SMC5: variants seen among roughly 807,000 people sequenced by gnomAD.
SMC5 encodes the protein structural maintenance of chromosomes 5.
Under a neutral mutation model 148.3 loss-of-function variants are expected in SMC5, and 88 were observed. The ratio of observed to expected loss-of-function variants is 0.59; its 90% confidence interval spans 0.50 to 0.71. The LOEUF is 0.71. SMC5 is among the 30% of genes least tolerant of loss of function. The pLI is 0.00. For missense variants in SMC5, 1,142 were observed against 1,298.9 expected (o/e 0.88, Z 1.86); for synonymous variants, 421 against 432.8 (o/e 0.97, Z 0.34).
chr9:70,347,179 T>C lies in SMC5; in HGVS notation c.2664+18T>C, dbSNP rs151005009. 8.6e-4 allele frequency: 1,386 copies of C among 1,606,500 alleles called. 18 individuals are homozygous for C. In the East Asian group the frequency reaches 0.027, roughly 32 times the overall value. Reference sequence around the variant, plus strand: ...ATCCTACAGTATGCCTGTTTCTCTATTCCCATTCTGCATCCAACCACCACC... The same window carrying C: ...ATCCTACAGTATGCCTGTTTCTCTACTCCCATTCTGCATCCAACCACCACC... On this transcript the variant is annotated intron_variant, in intron 20 of 24. Transcript: ENST00000361138.
At chr9:70,268,634 ATACT>A (rs901841588) in intron 3 of SMC5, among the ~76,000 whole-genome samples, 2 of 151,868 alleles carry the variant, frequency 1.3e-5, no homozygotes, top group Non-Finnish European at 2.9e-5. Context: ...CTTGAAAGTA[ATACT>A]TGCTTGTCTT....
chr9:70,281,492 T>C (rs562377511), intron 6 of SMC5, among the ~76,000 whole-genome samples: 19 of 152,312 alleles, frequency 1.2e-4, no homozygotes, highest in African/African-American at 4.6e-4. Context: ...GAAAATTAAA[T>C]CTTTGGGTGT....
At chr9:70,345,922 A>G (rs2036655840) in intron 18 of SMC5, among the ~76,000 whole-genome samples, 4 of 152,148 alleles carry the variant, frequency 2.6e-5, no homozygotes, top group Admixed American at 2.6e-4. Context: ...CTGAAGAGAG[A>G]GAGGGAGAAG....
chr9:70,292,023 C>G (rs995361301), intron 8 of SMC5, among the ~76,000 whole-genome samples: 1 of 152,132 alleles, frequency 6.6e-6, no homozygotes, highest in South Asian at 2.1e-4. Context: ...GCTGTTTTTA[C>G]TGAGATTCAG....
chr9:70,320,384 C>CCTCA (rs1327882226), intron 15 of SMC5, among the ~76,000 whole-genome samples: 4 of 152,096 alleles, frequency 2.6e-5, no homozygotes, highest in Non-Finnish European at 5.9e-5. Context: ...CATGGCAAGA[C>CCTCA]CTCATCTCTT....
intron 8 of SMC5, among the ~76,000 whole-genome samples, chr9:70,295,704 C>T (rs1016302072): frequency 5.3e-5 from 8 of 152,060 alleles, no homozygotes; most frequent in African/African-American, 1.7e-4. Context: ...GGTAAGGGAT[C>T]GTTGGGCTGC....
Position 70,259,226 on chromosome 9 carries a change from G to A in SMC5, c.148G>A (p.Glu50Lys). The A allele has an allele frequency of 6.2e-7, 1 of 1,603,018 alleles. No homozygotes were observed. Among genetic ancestry groups the A allele is most frequent in the African/African-American group, 1.3e-5 (1 of 74,868 alleles). ...PLLQSSGPFV[E>K]GSIVRISMEN... Reference sequence around the variant, plus strand: ...GTTGCAGTCGTCCGGGCCTTTCGTGGAAGGCTCTATCGTCCGCATCTCGAT... The same window carrying A: ...GTTGCAGTCGTCCGGGCCTTTCGTGAAAGGCTCTATCGTCCGCATCTCGAT... Residue 50 changes from glutamate (E) to lysine (K), a missense_variant, in exon 1 of 25, where the codon GAA becomes AAA. Coordinates refer to ENST00000361138, the MANE Select transcript of SMC5 (RefSeq NM_015110.4).
At chr9:70,300,721 TAATA>T (rs1380711492) in intron 10 of SMC5, among the ~76,000 whole-genome samples, 1 of 152,146 alleles carries the variant, frequency 6.6e-6, no homozygotes, top group Non-Finnish European at 1.5e-5. Context: ...AAGCTATATT[TAATA>T]AATCGTCTAG....
chr9:70,264,536 G>T (rs2034223548), intron 2 of SMC5, 91 bp downstream of exon 2: 2 of 1,329,162 alleles, frequency 1.5e-6, no homozygotes, highest in South Asian at 2.8e-5. Flanking sequence ...CTTGGGTATA[G>T]CAAACTTAAT....
chr9:70,265,713 G>A (rs963675784), intron 2 of SMC5, among the ~76,000 whole-genome samples: 17 of 152,188 alleles, frequency 1.1e-4, no homozygotes, highest in Admixed American at 9.2e-4. Context: ...GAAAGTAGAT[G>A]TAGCTGCATT....
At chr9:70,264,700 G>A (rs1024071793) in intron 2 of SMC5, among the ~76,000 whole-genome samples, 37 of 151,952 alleles carry the variant, frequency 2.4e-4, no homozygotes, top group African/African-American at 7.7e-4. Flanking sequence ...TTTTTTAAAT[G>A]CATCACTTGG....
intron 15 of SMC5, among the ~76,000 whole-genome samples, chr9:70,319,383 G>T (rs1415593639): frequency 6.6e-6 from 1 of 152,064 alleles, no homozygotes; most frequent in East Asian, 1.9e-4. Context: ...ATTAAAAATA[G>T]CTGTTTTCCA....
chr9:70,317,997 A>G (rs775733704), intron 13 of SMC5, among the ~76,000 whole-genome samples: 2 of 146,112 alleles, frequency 1.4e-5, no homozygotes, highest in East Asian at 2.0e-4. Context: ...CAAAGCTCCA[A>G]AACTACTTGG....
chr9:70,279,162 T>G (rs1448290772), intron 5 of SMC5, among the ~76,000 whole-genome samples: 1 of 152,190 alleles, frequency 6.6e-6, no homozygotes, highest in Non-Finnish European at 1.5e-5. Flanking sequence ...GGTGTTTTAT[T>G]TAATGGATCT....
intron 17 of SMC5, among the ~76,000 whole-genome samples, chr9:70,336,303 GA>G (rs1043522978): frequency 2.6e-5 from 4 of 151,982 alleles, no homozygotes; most frequent in Admixed American, 2.0e-4. Context: ...TTTGACTTAA[GA>G]AAAAAACAGT....
At chr9:70,277,256 TA>T in intron 3 of SMC5, 53 bp from the exon 4 acceptor site, 1 of 1,226,414 alleles carries the variant, frequency 8.2e-7, no homozygotes, top group Non-Finnish European at 1.1e-6. Flanking sequence ...ATTTTATTTC[TA>T]AACTAATGTA....
chr9:70,265,079 A>T (rs114363614), intron 2 of SMC5, among the ~76,000 whole-genome samples: 2,518 of 152,324 alleles, frequency 0.017, 43 homozygotes, highest in South Asian at 0.069. Context: ...TATTCATGAG[A>T]GTGGGGGGCG....
chr9:70,270,721 A>G (rs910112477), intron 3 of SMC5, among the ~76,000 whole-genome samples: 2 of 137,002 alleles, frequency 1.5e-5, no homozygotes, highest in Non-Finnish European at 3.0e-5. Flanking sequence ...ATCTCGGCTC[A>G]CTGCAACCTC....
chr9:70,275,863 C>T (rs1299251795), intron 3 of SMC5, among the ~76,000 whole-genome samples: 1 of 152,038 alleles, frequency 6.6e-6, no homozygotes, highest in Admixed American at 6.6e-5. Flanking sequence ...TTGCCATTGA[C>T]CCATTCTCTG....
Sources: gnomAD v4.1 joint callset for allele counts (sites outside exome capture counted in the v4.1 genomes callset) on GRCh38, gnomAD v4.1.1 for gene constraint, MANE v1.5 for transcripts, NCBI Gene and HGNC (gene_info 2026-07-23, HGNC 2026-07-21) for gene names.